ESF1: variants seen among roughly 807,000 people sequenced by gnomAD.
ESF1 encodes the protein ESF1 nucleolar pre-rRNA processing protein, also known as ESF1 homolog.
ESF1 carries 58 observed loss-of-function variants against 92.0 expected under a neutral mutation model. The observed-to-expected ratio is 0.63, with a 90% CI of 0.51 to 0.78. ESF1 has a LOEUF of 0.78. Among genes scored for constraint, ESF1 ranks in the 30% least tolerant of loss-of-function variants. The probability of loss-of-function intolerance (pLI) is 0.00; values close to 1 mark genes in which losing one functional copy is unlikely to be tolerated. For missense variants in ESF1, 922 were observed against 989.1 expected, an observed-to-expected ratio of 0.93 and a Z score of 0.91; for synonymous variants, 321 against 313.7, an observed-to-expected ratio of 1.02 and a Z score of -0.24.
chr20:13,755,926 C>T (rs557157213), intron 9 of ESF1, among the ~76,000 whole-genome samples: 8 of 152,244 alleles, frequency 5.3e-5, no homozygotes, highest in African/African-American at 1.9e-4. Flanking sequence ...ATTAAGAGTA[C>T]TTATTTTCCT....
chr20:13,777,058 A>G (rs1335011073), intron 2 of ESF1, among the ~76,000 whole-genome samples: 1 of 152,212 alleles, frequency 6.6e-6, no homozygotes, highest in Non-Finnish European at 1.5e-5. Flanking sequence ...GGATATTGTC[A>G]TCCTCAGACT....
rs1393132799 is a variant in ESF1 at position 13,775,221 on chromosome 20, G to C, written c.1085C>G (p.Ala362Gly). ...ATTGAACAGAGCCAGCAAATCTTTTGCCTTTAATCTATCCCAGTCCATGTT... is the reference window on the plus strand; with the variant it reads ...ATTGAACAGAGCCAGCAAATCTTTTCCCTTTAATCTATCCCAGTCCATGTT... ...VCNMDWDRLKAKDLLALFNSF... is the reference protein window; with the variant it reads ...VCNMDWDRLKGKDLLALFNSF... The change falls in exon 4 of 14, where the codon GCA becomes GGA. Residue 362 changes from alanine to glycine, a missense_variant. By Grantham distance (60) the Ala-to-Gly change is moderately conservative. Coordinates refer to ENST00000617257, the MANE Select transcript of ESF1 (RefSeq NM_001276380.2). 2 of 1,611,268 alleles carry C rather than the reference G, an allele frequency of 1.2e-6. No individual in the cohort carries two copies. The highest frequency in any genetic ancestry group is 8.5e-7 in the Non-Finnish European group (1 of 1,179,238).
chr20:13,768,330 AAAAAGGAGAAGGG>A (rs1397956002), intron 7 of ESF1, among the ~76,000 whole-genome samples: 10 of 152,134 alleles, frequency 6.6e-5, no homozygotes, highest in Non-Finnish European at 7.4e-5. Flanking sequence ...TGGGAGAAAG[AAAAAGGAGAAGGG>A]AGGCCAAGGC....
intron 6 of ESF1, 142 bp from the exon 7 acceptor site, chr20:13,770,163 T>G: frequency 1.8e-6 from 1 of 563,632 alleles, no homozygotes. Flanking sequence ...AGACATAACC[T>G]TTGTATATTT....
rs777511067 is a variant in ESF1 at position 13,714,854 on chromosome 20, C to A, written c.*20G>T. 3 of 1,571,902 alleles carry A rather than the reference C, an allele frequency of 1.9e-6. No homozygotes were observed. Among genetic ancestry groups the A allele is most frequent in the South Asian group, 2.4e-5 (2 of 84,158 alleles). On this transcript the variant is annotated 3_prime_UTR_variant, in exon 14 of 14. Coordinates refer to ENST00000617257, the MANE Select transcript of ESF1 (RefSeq NM_001276380.2). ...ATTTTAGGAAAAGATGTATTCAGTT[C>A]AAAAATAAGTAACATCCAGTTATTT...
chr20:13,723,870 A>T (rs546659636), intron 11 of ESF1, among the ~76,000 whole-genome samples: 3 of 152,246 alleles, frequency 2.0e-5, no homozygotes, highest in Non-Finnish European at 4.4e-5. Flanking sequence ...TTAGATAATG[A>T]CTATATTTTA....
chr20:13,780,485 T>C (rs1454664286), intron 2 of ESF1, among the ~76,000 whole-genome samples: 7 of 152,224 alleles, frequency 4.6e-5, no homozygotes, highest in Non-Finnish European at 7.3e-5. Context: ...GTCTGCTGCC[T>C]GGTTCCACTA....
Position 13,714,831 on chromosome 20 carries a change from T to A in ESF1, c.*43A>T. The stretch of plus-strand genomic sequence containing the variant: ...ATTCCCTCCTATTATTTTTGTACAT[T>A]TTAGGAAAAGATGTATTCAGTTCAA... On this transcript the variant is annotated 3_prime_UTR_variant, in exon 14 of 14. Transcript: ENST00000617257. 1 of 1,455,740 alleles carries A rather than the reference T, an allele frequency of 6.9e-7. No homozygotes were observed. Among genetic ancestry groups the A allele is most frequent in the Non-Finnish European group, 9.3e-7 (1 of 1,080,846 alleles). 90.2% of individuals were successfully genotyped at this position (1,455,740 alleles called of 1,614,324 possible).
intron 9 of ESF1, among the ~76,000 whole-genome samples, chr20:13,753,917 G>T (rs919499219): frequency 1.3e-5 from 2 of 152,174 alleles, no homozygotes; most frequent in Non-Finnish European, 2.9e-5. Flanking sequence ...GGACCACTAG[G>T]CATAAGTTAA....
At chr20:13,749,202 A>T (rs1301931258) in intron 9 of ESF1, among the ~76,000 whole-genome samples, 1 of 140,208 alleles carries the variant, frequency 7.1e-6, no homozygotes, top group African/African-American at 2.6e-5. Flanking sequence ...AGTAGCTTGG[A>T]TTACAGGCAC....
In ESF1 at chr20:13,715,023, C is replaced by T; in HGVS notation, c.2407G>A (p.Glu803Lys). 1 of 1,613,654 alleles carries T rather than the reference C, an allele frequency of 6.2e-7. No individual in the cohort carries two copies. The highest frequency in any genetic ancestry group is 8.5e-7 in the Non-Finnish European group (1 of 1,179,934). The change falls in exon 14 of 14, where the codon GAA becomes AAA. Residue 803 changes from glutamate to lysine, a missense_variant. Coordinates refer to ENST00000617257, the MANE Select transcript of ESF1 (RefSeq NM_001276380.2). ...KARQRERKEQELTQAIKKKES... is the reference protein window; with the variant it reads ...KARQRERKEQKLTQAIKKKES... ...TTTTTCTTTATTGCCTGAGTAAGTTCTTGTTCTTTCCGTTCTCTTTGCCGG... is the reference window on the plus strand; with the variant it reads ...TTTTTCTTTATTGCCTGAGTAAGTTTTTGTTCTTTCCGTTCTCTTTGCCGG...
chr20:13,782,914 T>C lies in ESF1; in HGVS notation c.227A>G (p.Asp76Gly). Residue 76 changes from aspartate to glycine, a missense_variant, in exon 2 of 14, where the codon GAT becomes GGT. Transcript: ENST00000617257. ...EDLKRFYDLS[D>G]SDSNLSGEDS... ...TTCACCAGAGAGATTGGAATCAGAA[T>C]CTGAAAGGTCGTAAAAACGCTTCAA... The C allele has an allele frequency of 6.2e-7, 1 of 1,614,198 alleles. No homozygotes were observed. The highest frequency in any genetic ancestry group is 2.2e-5 in the East Asian group (1 of 44,890).
In ESF1 at chr20:13,769,950, T is replaced by C. The variant is rs1979606986; in HGVS notation, c.1475A>G (p.Tyr492Cys). The change falls in exon 7 of 14, where the codon TAT (tyrosine) becomes TGT (cysteine). Residue 492 changes from tyrosine to cysteine, a missense_variant. Transcript: ENST00000617257. ...AGCAGAAGTGAAATATTTTGGTTTA[T>C]ATGCTGTTAAATTCACTTCTGAGGC... ...DVASEVNLTA[Y>C]KPKYFTSAAM... The C allele has an allele frequency of 1.2e-6, 2 of 1,612,474 alleles. No individual in the cohort carries two copies. Among genetic ancestry groups the C allele is most frequent in the Non-Finnish European group, 1.7e-6 (2 of 1,179,660 alleles).
chr20:13,749,378 C>T (rs1356368802), intron 9 of ESF1, among the ~76,000 whole-genome samples: 1 of 151,440 alleles, frequency 6.6e-6, no homozygotes, highest in Non-Finnish European at 1.5e-5. Context: ...ATTAGGAAAG[C>T]ATATACCTTC....
chr20:13,775,204 G>C lies in ESF1; in HGVS notation c.1102C>G (p.Leu368Val), dbSNP rs370161105. The change falls in exon 4 of 14, where the codon CTG (leucine) becomes GTG (valine). Residue 368 changes from leucine to valine, a missense_variant. Coordinates refer to ENST00000617257, the MANE Select transcript of ESF1 (RefSeq NM_001276380.2). ...DRLKAKDLLA[L>V]FNSFKPKGGV... is the part of the protein sequence containing the mutation. ...CCTTTGGGTTTAAATGAATTGAACAGAGCCAGCAAATCTTTTGCCTTTAAT... is the reference window on the plus strand; with the variant it reads ...CCTTTGGGTTTAAATGAATTGAACACAGCCAGCAAATCTTTTGCCTTTAAT... The C allele has an allele frequency of 6.2e-7, 1 of 1,611,054 alleles. No homozygotes were observed. Among genetic ancestry groups the C allele is most frequent in the Non-Finnish European group, 8.5e-7 (1 of 1,179,168 alleles).
chr20:13,770,755 T>C (rs1979647089), intron 6 of ESF1, among the ~76,000 whole-genome samples: 1 of 152,204 alleles, frequency 6.6e-6, no homozygotes, highest in Admixed American at 6.5e-5. Flanking sequence ...AAGCTTAAGG[T>C]TGAGTCTTAC....
intron 2 of ESF1, among the ~76,000 whole-genome samples, 176 bp from the exon 3 acceptor site, chr20:13,776,446 C>T (rs1001066224): frequency 2.6e-5 from 4 of 152,120 alleles, no homozygotes; most frequent in Non-Finnish European, 5.9e-5. Flanking sequence ...CTAACCATAA[C>T]TTCTATGAAA....
At position 13,717,374 on chromosome 20, in the gene ESF1, G is replaced by C. The variant is rs765622659; in HGVS notation, c.2256C>G (p.Asp752Glu). The C allele has an allele frequency of 4.3e-6, 7 of 1,613,848 alleles. No individual in the cohort carries two copies. The change falls in exon 13 of 14, where the codon GAC (aspartate) becomes GAG (glutamate). Residue 752 changes from aspartate to glutamate, a missense_variant. Coordinates refer to ENST00000617257, the MANE Select transcript of ESF1 (RefSeq NM_001276380.2). ...GCCTGGTGTCTATGGTTACCTCAAA[G>C]TCATCCTCTATTAATTCCTTCTTTT... ...LMKKKELIED[D>E]FEVNVNDARF...
At chr20:13,748,592 A>ATATATATATATTTT (rs1331098586) in intron 9 of ESF1, among the ~76,000 whole-genome samples, 69 of 95,688 alleles carry the variant, frequency 7.2e-4, no homozygotes, top group African/African-American at 4.3e-3. Context: ...ATATATATAT[A>ATATATATATATTTT]TTTTTTTTTT....
Sources: allele counts gnomAD v4.1 joint callset (sites outside exome capture counted in the v4.1 genomes callset), GRCh38; gene constraint gnomAD v4.1.1; transcripts MANE v1.5; gene names NCBI Gene and HGNC (gene_info 2026-07-23, HGNC 2026-07-21).